The following CUL7 variants were observed in gnomAD, a reference collection of about 807,000 sequenced individuals.
CUL7 encodes cullin 7, also known as cullin-7.
In CUL7, 96 loss-of-function variants were observed where a neutral mutation model predicts 177.7. The observed-to-expected ratio is 0.54, with a 90% CI of 0.46 to 0.64. The LOEUF is 0.64. CUL7 is among the 30% of genes least tolerant of loss of function. The probability of loss-of-function intolerance (pLI) is 0.00; values close to 1 mark genes in which losing one functional copy is unlikely to be tolerated. For missense variants in CUL7, 1,893 were observed against 2,187.9 expected (o/e 0.87, Z 2.69); for synonymous variants, 824 against 890.2 (o/e 0.93, Z 1.32).
chr6:43,048,916 C>T (rs1485138401), intron 7 of CUL7, among the ~76,000 whole-genome samples: 1 of 152,002 alleles, frequency 6.6e-6, no homozygotes, highest in African/African-American at 2.4e-5. Context: ...CAGGTGCCCA[C>T]CACCACGCCC....
In CUL7 at chr6:43,051,446, G is replaced by A; in HGVS notation, c.755C>T (p.Ser252Phe). 6.2e-7 allele frequency: 1 copy of A among 1,614,004 alleles called. No individual in the cohort carries two copies. The change falls in exon 4 of 26, where the codon TCC (serine) becomes TTC (phenylalanine). Residue 252 changes from serine to phenylalanine, a missense_variant. Coordinates refer to ENST00000265348, the MANE Select transcript of CUL7 (RefSeq NM_014780.5). The surrounding 1 kb of genome is among the most constrained non-coding windows in gnomAD (Gnocchi z 5.0). ...GACATGCAAATACCGCTTCACCAGG[G>A]AGAAGAGCACCCTTCCTGGGACCTG... The part of the protein sequence containing the change: ...LPQVPGRVLF[S>F]LVKRYLHVTS...
rs368154425 is a variant in CUL7, at chr6:43,045,432, G to A, written c.2863-30C>T. On this transcript the variant is annotated intron_variant, in intron 14 of 25. Coordinates refer to ENST00000265348, the MANE Select transcript of CUL7 (RefSeq NM_014780.5). The surrounding 1 kb of genome is among the most constrained non-coding windows in gnomAD (Gnocchi z 4.8). ...AACACACACAGGACTATCTTCACTCGCTCCACACCTTGGGATGGGCTGGGG... is the reference window on the plus strand; with the variant it reads ...AACACACACAGGACTATCTTCACTCACTCCACACCTTGGGATGGGCTGGGG... 73 of 1,613,978 alleles carry A rather than the reference G, an allele frequency of 4.5e-5. No homozygotes were observed. In the African/African-American group the frequency reaches 5.7e-4, roughly 13 times the overall value.
chr6:43,037,772 G>T lies in CUL7; in HGVS notation c.5013C>A (p.Leu1671=). Residue 1671 remains leucine (L), a synonymous_variant, in exon 26 of 26, where the codon CTC becomes CTA. Coordinates refer to ENST00000265348, the MANE Select transcript of CUL7 (RefSeq NM_014780.5). ...NPGSSGPNPP[L]TFHTLQIRSR... is the part of the protein sequence containing the mutation. ...AGCGAATCTGTAGGGTATGGAAGGTGAGGGGTGGGTTGGGGCCTGAGGAGC... is the reference window on the plus strand; with the variant it reads ...AGCGAATCTGTAGGGTATGGAAGGTTAGGGGTGGGTTGGGGCCTGAGGAGC... 1 of 1,592,408 alleles carries T rather than the reference G, an allele frequency of 6.3e-7. No individual in the cohort carries two copies. The highest frequency in any genetic ancestry group is 8.6e-7 in the Non-Finnish European group (1 of 1,169,490).
In CUL7 at chr6:43,045,254, C is replaced by T. The variant is rs776358446; in HGVS notation, c.3011G>A (p.Arg1004His). The T allele has an allele frequency of 1.1e-5, 18 of 1,614,018 alleles. 1 individual carries two copies. In the Admixed American group the frequency reaches 2.0e-4, roughly 18 times the overall value. Residue 1004 changes from arginine (R) to histidine (H), a missense_variant, in exon 15 of 26, where the codon CGC becomes CAC. By Grantham distance (29) the Arg-to-His change is conservative. Around this residue, in one of 5 missense-constraint regions of CUL7, gnomAD observed 973 missense variants for 1,140.9 expected, o/e 0.85. Coordinates refer to ENST00000265348, the MANE Select transcript of CUL7 (RefSeq NM_014780.5). The surrounding 1 kb of genome is among the most constrained non-coding windows in gnomAD (Gnocchi z 4.8). Reference protein sequence around the residue: ...QAWSQDMAEDRRSLLHLSSRL... With the variant: ...QAWSQDMAEDHRSLLHLSSRL... ...AGAACTCAGGTGCAGGAGGCTCCTGCGGTCCTCTGCCATGTCCTGGCTCCA... is the reference window on the plus strand; with the variant it reads ...AGAACTCAGGTGCAGGAGGCTCCTGTGGTCCTCTGCCATGTCCTGGCTCCA...
chr6:43,052,481 T>C lies in CUL7; in HGVS notation c.308A>G (p.Asp103Gly), dbSNP rs866986800. ...QESAGEVGAL[D>G]KSVLEEMETD... Reference sequence around the variant, plus strand: ...TTCCATCTCCTCCAGCACAGATTTGTCCAGGGCCCCAACCTCCCCTGCAGA... The same window carrying C: ...TTCCATCTCCTCCAGCACAGATTTGCCCAGGGCCCCAACCTCCCCTGCAGA... The change falls in exon 2 of 26, where the codon GAC becomes GGC. Residue 103 changes from aspartate to glycine, a missense_variant. By Grantham distance (94) the Asp-to-Gly change is moderately conservative. Transcript: ENST00000265348. This position sits in a 1 kb window ranked among gnomAD's most constrained non-coding sequence, Gnocchi z 4.5. 5.6e-6 allele frequency: 9 copies of C among 1,614,178 alleles called. No homozygotes were observed. The highest frequency in any genetic ancestry group is 5.3e-5 in the African/African-American group (4 of 75,056).
chr6:43,050,948 C>T lies in CUL7; in HGVS notation c.1233+20G>A, dbSNP rs1764342649. 2 of 1,613,348 alleles carry T rather than the reference C, an allele frequency of 1.2e-6. No individual in the cohort carries two copies. Among genetic ancestry groups the T allele is most frequent in the Admixed American group, 3.3e-5 (2 of 59,978 alleles). On this transcript the variant is annotated intron_variant, in intron 4 of 25. Transcript: ENST00000265348. The surrounding 1 kb of genome is among the most constrained non-coding windows in gnomAD (Gnocchi z 4.1). ...CCCAAATAGACCCCCAACAGTATCC[C>T]ACCACCATGTGCCACTCACCTGCAC...
chr6:43,051,807 C>A lies in CUL7; in HGVS notation c.581-44G>T. The stretch of plus-strand genomic sequence containing the variant: ...TTGGTAACTTCTCCCTAATCTCACC[C>A]TTCCTAGAAATCTTAGACCCTCTAC... On this transcript the variant is annotated intron_variant, in intron 2 of 25. Coordinates refer to ENST00000265348, the MANE Select transcript of CUL7 (RefSeq NM_014780.5). This position sits in a 1 kb window ranked among gnomAD's most constrained non-coding sequence, Gnocchi z 5.0. The A allele has an allele frequency of 6.2e-7, 1 of 1,608,588 alleles. No individual in the cohort carries two copies. Among genetic ancestry groups the A allele is most frequent in the Non-Finnish European group, 8.5e-7 (1 of 1,175,272 alleles).
In CUL7 at chr6:43,052,043, C is replaced by G. The variant is rs967547899; in HGVS notation, c.580+166G>C. The G allele has an allele frequency of 7.7e-7, 1 of 1,302,144 alleles. No homozygotes were observed. The highest frequency in any genetic ancestry group is 1.5e-5 in the African/African-American group (1 of 67,802). 80.7% of individuals were successfully genotyped at this position (1,302,144 alleles called of 1,614,324 possible). Reference sequence around the variant, plus strand: ...CTTTCCTCTTTTGGCAGATAACCCCCACCCTCACTCCCATGCCCACCTCCT... The same window carrying G: ...CTTTCCTCTTTTGGCAGATAACCCCGACCCTCACTCCCATGCCCACCTCCT... On this transcript the variant is annotated intron_variant, in intron 2 of 25. Transcript: ENST00000265348. The surrounding 1 kb of genome is among the most constrained non-coding windows in gnomAD (Gnocchi z 4.5).
chr6:43,048,420 G>C lies in CUL7; in HGVS notation c.1975C>G (p.Leu659Val). ...ENKVKPLLLQ[L>V]QRQPQPFLAL... Reference sequence around the variant, plus strand: ...AGGAAGGGCTGCGGCTGCCGCTGCAGCTGCAGCAGGAGTGGCTTGACCTTG... The same window carrying C: ...AGGAAGGGCTGCGGCTGCCGCTGCACCTGCAGCAGGAGTGGCTTGACCTTG... The change falls in exon 8 of 26, where the codon CTG (leucine) becomes GTG (valine). Residue 659 changes from leucine to valine, a missense_variant. Around this residue, in one of 5 missense-constraint regions of CUL7, gnomAD observed 973 missense variants for 1,140.9 expected, o/e 0.85. Transcript: ENST00000265348. The C allele has an allele frequency of 6.2e-7, 1 of 1,614,104 alleles. No individual in the cohort carries two copies. Among genetic ancestry groups the C allele is most frequent in the Non-Finnish European group, 8.5e-7 (1 of 1,179,928 alleles).
chr6:43,052,298 T>C lies in CUL7; in HGVS notation c.491A>G (p.Asp164Gly), dbSNP rs773489690. The C allele has an allele frequency of 6.2e-7, 1 of 1,614,196 alleles. No individual in the cohort carries two copies. Among genetic ancestry groups the C allele is most frequent in the Non-Finnish European group, 8.5e-7 (1 of 1,180,048 alleles). The change falls in exon 2 of 26, where the codon GAC becomes GGC. Residue 164 changes from aspartate (D) to glycine (G), a missense_variant. By Grantham distance (94) the Asp-to-Gly change is moderately conservative. Coordinates refer to ENST00000265348, the MANE Select transcript of CUL7 (RefSeq NM_014780.5). The surrounding 1 kb of genome is among the most constrained non-coding windows in gnomAD (Gnocchi z 4.5). ...ACTACTCAACATGTGCATGAGCAAGTCCAGGACCCTTGGGTCCTTGAATAC... is the reference window on the plus strand; with the variant it reads ...ACTACTCAACATGTGCATGAGCAAGCCCAGGACCCTTGGGTCCTTGAATAC... ...TGVFKDPRVLDLLMHMLSSPD... is the reference protein window; with the variant it reads ...TGVFKDPRVLGLLMHMLSSPD...
rs1764234037 is a variant in CUL7 at position 43,049,613 on chromosome 6, G to C, written c.1619C>G (p.Ala540Gly). 6.2e-7 allele frequency: 1 copy of C among 1,614,064 alleles called. No homozygotes were observed. Among genetic ancestry groups the C allele is most frequent in the Admixed American group, 1.7e-5 (1 of 60,004 alleles). Residue 540 changes from alanine (A) to glycine (G), a missense_variant, in exon 7 of 26, where the codon GCC becomes GGC. Around this residue, in one of 5 missense-constraint regions of CUL7, gnomAD observed 653 missense variants for 725.2 expected, o/e 0.90. Transcript: ENST00000265348. ...TGGCAGAGTCAGCAGCAAGTCCTGG[G>C]CCAATTCTATGGGCACGGCCAGTTC... ...LAELAVPIEL[A>G]QDLLLTLPQR...
At position 43,041,139 on chromosome 6, in the gene CUL7, G is replaced by A; in HGVS notation, c.3646-64C>T. Reference sequence around the variant, plus strand: ...GAGCAGAGCAGGTGAGTGGGGAGGAGGGATGAGGGTCTGGAAAGTAGATAT... The same window carrying A: ...GAGCAGAGCAGGTGAGTGGGGAGGAAGGATGAGGGTCTGGAAAGTAGATAT... On this transcript the variant is annotated intron_variant, in intron 19 of 25. Coordinates refer to ENST00000265348, the MANE Select transcript of CUL7 (RefSeq NM_014780.5). The A allele has an allele frequency of 3.2e-6, 5 of 1,547,648 alleles. No individual in the cohort carries two copies. The East Asian group carries it at 1.1e-4, about 35-fold the overall frequency.
At position 43,051,867 on chromosome 6, in the gene CUL7, A is replaced by G; in HGVS notation, c.581-104T>C. Reference sequence around the variant, plus strand: ...CCAATCCTTTTGCCACCACACAATGAGAAAGAACTGATTTGCTTCAAAAGC... The same window carrying G: ...CCAATCCTTTTGCCACCACACAATGGGAAAGAACTGATTTGCTTCAAAAGC... On this transcript the variant is annotated intron_variant, in intron 2 of 25. Transcript: ENST00000265348. This position sits in a 1 kb window ranked among gnomAD's most constrained non-coding sequence, Gnocchi z 5.0. 7.0e-7 allele frequency: 1 copy of G among 1,432,786 alleles called. No homozygotes were observed. The allele number at this position is 1,432,786 out of a possible 1,614,324, so 88.8% of individuals were successfully genotyped here.
chr6:43,038,848 G>A lies in CUL7; in HGVS notation c.4434C>T (p.Asp1478=), dbSNP rs1763174434. The A allele has an allele frequency of 1.2e-6, 2 of 1,614,182 alleles. No individual in the cohort carries two copies. The highest frequency in any genetic ancestry group is 4.5e-5 in the East Asian group (2 of 44,882). ...VQMWLLLYLN[D]LKAVSVESLL... ...TGCAGCGGGGCTGGGCCACCTTCAG[G>A]TCGTTGAGATACAGCAGTAGCCACA... The change falls in exon 23 of 26, where the codon GAC becomes GAT. Residue 1478 remains aspartate, a synonymous_variant. Coordinates refer to ENST00000265348, the MANE Select transcript of CUL7 (RefSeq NM_014780.5).
At position 43,040,545 on chromosome 6, in the gene CUL7, T is replaced by G. The variant is rs1012731965; in HGVS notation, c.4008A>C (p.Thr1336=). The change falls in exon 21 of 26, where the codon ACA becomes ACC. Residue 1336 remains threonine, a synonymous_variant. Transcript: ENST00000265348. This position sits in a 1 kb window ranked among gnomAD's most constrained non-coding sequence, Gnocchi z 4.2. ...LDQELLKLED[T]EKKIQVGLGA... ...AGGCACTCACCTGTATTTTCTTCTCTGTATCCTCCAGCTTCAGGAGTTCCT... is the reference window on the plus strand; with the variant it reads ...AGGCACTCACCTGTATTTTCTTCTCGGTATCCTCCAGCTTCAGGAGTTCCT... 8.1e-6 allele frequency: 13 copies of G among 1,614,162 alleles called. No homozygotes were observed. The highest frequency in any genetic ancestry group is 1.6e-4 in the Middle Eastern group (1 of 6,062).
rs780247413 is a variant in CUL7 at position 43,043,105 on chromosome 6, G to A, written c.3431C>T (p.Thr1144Met). The change falls in exon 18 of 26, where the codon ACG (threonine) becomes ATG (methionine). Residue 1144 changes from threonine to methionine, a missense_variant. Around this residue, in one of 5 missense-constraint regions of CUL7, gnomAD observed 973 missense variants for 1,140.9 expected, o/e 0.85. Transcript: ENST00000265348. This position sits in a 1 kb window ranked among gnomAD's most constrained non-coding sequence, Gnocchi z 4.2. ...GLPSSIMRNL[T>M]RCWRAVVEKQ... is the part of the protein sequence containing the mutation. ...CTCCACCACGGCCCGCCAACAGCGC[G>A]TCAGGTTTCTCATGATGCTGCTTGG... The A allele has an allele frequency of 3.1e-5, 50 of 1,614,092 alleles. No individual in the cohort carries two copies. Among genetic ancestry groups the A allele is most frequent in the Middle Eastern group, 3.3e-4 (2 of 6,062 alleles).
Position 43,042,003 on chromosome 6 carries a change from C to CAA in CUL7, c.3645+797_3645+798dup, listed in dbSNP as rs201127168. Among the ~76,000 whole-genome samples the CAA allele has an allele frequency of 6.8e-3, 364 of 53,326 alleles. 3 individuals carry two copies. Among genetic ancestry groups the CAA allele is most frequent in the African/African-American group, 0.017 (317 of 18,496 alleles). The allele number at this position is 53,326 out of a possible 152,430, so 35.0% of individuals were successfully genotyped here. A position where few individuals can be genotyped will look rare whatever the true frequency, so the allele number is the denominator to read the frequency against. ...TGGGCAACAGAGCGAGACTCCGTCT[C>CAA]AAAAAAAAAAAAAAAAAAAAGGAAG... On this transcript the variant is annotated intron_variant, in intron 19 of 25. Transcript: ENST00000265348.
chr6:43,041,142 ATGAGGGTC>A, intron 19 of CUL7, 67 bp from the exon 20 acceptor site: 1 of 1,540,438 alleles, frequency 6.5e-7, no homozygotes, highest in Admixed American at 1.7e-5. Context: ...GGGAGGAGGG[ATGAGGGTC>A]TGGAAAGTAG....
Position 43,048,487 on chromosome 6 carries a change from C to T in CUL7, c.1908G>A (p.Leu636=). 1 of 1,614,126 alleles carries T rather than the reference C, an allele frequency of 6.2e-7. No homozygotes were observed. Among genetic ancestry groups the T allele is most frequent in the Non-Finnish European group, 8.5e-7 (1 of 1,180,012 alleles). The stretch of plus-strand genomic sequence containing the variant: ...CTGAGCTGAGGGCTTGCTCTAGATC[C>T]AGGAGGATTTTCCCAGCTGGACCAT... ...EGYGPAGKIL[L]DLEQALSSEG... The change falls in exon 8 of 26, where the codon CTG becomes CTA. Residue 636 remains leucine (L), a synonymous_variant. Transcript: ENST00000265348.
Sources: allele counts gnomAD v4.1 joint callset (sites outside exome capture counted in the v4.1 genomes callset), GRCh38; gene constraint gnomAD v4.1.1; regional missense constraint gnomAD v4.1.1; non-coding constraint Gnocchi (gnomAD v3.1); transcripts MANE v1.5; gene names NCBI Gene and HGNC (gene_info 2026-07-23, HGNC 2026-07-21).